Variants in PLCL2 observed in about 807,000 individuals in gnomAD.
PLCL2 encodes phospholipase C like 2.
Under a neutral mutation model 79.6 loss-of-function variants are expected in PLCL2, and 4 were observed. The observed-to-expected ratio is 0.05, with a 90% CI of 0.02 to 0.11. The LOEUF is 0.11. Ranked by LOEUF, PLCL2 falls within the 10% of genes least tolerant of loss-of-function variation. The pLI is 1.00. For synonymous variants in PLCL2, 484 were observed against 457.7 expected (o/e 1.06, Z -0.73); for missense variants, 895 against 1,291.0 (o/e 0.69, Z 4.70).
At chr3:16,991,411 G>A (rs1380097649) in intron 1 of PLCL2, among the ~76,000 whole-genome samples, 1 of 152,084 alleles carries the variant, frequency 6.6e-6, no homozygotes, top group Non-Finnish European at 1.5e-5. Context: ...AGAATTATTA[G>A]GATTCTGATC....
At chr3:16,923,267 TGGG>T (rs1185167969) in intron 1 of PLCL2, among the ~76,000 whole-genome samples, 1 of 151,716 alleles carries the variant, frequency 6.6e-6, no homozygotes. Flanking sequence ...AGAGTGGAGG[TGGG>T]GGCAGGCAGC....
chr3:16,983,207 C>G (rs957769002), intron 1 of PLCL2, among the ~76,000 whole-genome samples: 2 of 150,642 alleles, frequency 1.3e-5, no homozygotes, highest in Non-Finnish European at 3.0e-5. Flanking sequence ...TAGGGTTAGA[C>G]TTGTCATGAT....
chr3:16,941,304 T>C (rs2124950579), intron 1 of PLCL2, among the ~76,000 whole-genome samples: 1 of 152,346 alleles, frequency 6.6e-6, no homozygotes, highest in Non-Finnish European at 1.5e-5. Context: ...CATTAGCCTC[T>C]TGACCATTCT....
chr3:16,995,786 A>C (rs2064147614), intron 1 of PLCL2, among the ~76,000 whole-genome samples: 1 of 152,136 alleles, frequency 6.6e-6, no homozygotes, highest in African/African-American at 2.4e-5. Flanking sequence ...TCCGTGGAGG[A>C]TTCAATAAGC....
intron 1 of PLCL2, among the ~76,000 whole-genome samples, chr3:16,929,184 T>G (rs9310513): frequency 1 from 151,821 of 151,822 alleles, 75,910 homozygotes; most frequent in Non-Finnish European, 1. Flanking sequence ...AAACCAAGGA[T>G]CGTGGGAGAG....
chr3:16,973,548 T>C (rs1450713440), intron 1 of PLCL2, among the ~76,000 whole-genome samples: 1 of 152,188 alleles, frequency 6.6e-6, no homozygotes, highest in Non-Finnish European at 1.5e-5. Flanking sequence ...AAAATTATGC[T>C]TTAAGATAGT....
intron 1 of PLCL2, among the ~76,000 whole-genome samples, chr3:16,970,523 C>T (rs375551476): frequency 1.4e-5 from 2 of 147,444 alleles, no homozygotes; most frequent in East Asian, 3.9e-4. Context: ...AATAAACATA[C>T]GTGTGCATGT....
chr3:17,043,123 C>T (rs893540899), intron 4 of PLCL2, among the ~76,000 whole-genome samples, 174 bp downstream of exon 4: 1 of 152,116 alleles, frequency 6.6e-6, no homozygotes, highest in Non-Finnish European at 1.5e-5. Flanking sequence ...AACAAACTCA[C>T]CTGAGGGGAC....
intron 4 of PLCL2, among the ~76,000 whole-genome samples, chr3:17,065,946 A>T (rs1252593721): frequency 6.6e-6 from 1 of 152,238 alleles, no homozygotes; most frequent in Non-Finnish European, 1.5e-5. Context: ...CCTGACTGCC[A>T]GAAACATAAT....
intron 5 of PLCL2, among the ~76,000 whole-genome samples, chr3:17,087,442 T>A (rs1476962665): frequency 6.6e-6 from 1 of 152,122 alleles, no homozygotes; most frequent in Non-Finnish European, 1.5e-5. Context: ...CTAGACGACA[T>A]TGTTGAAAAG....
At chr3:17,050,385 C>T (rs758867932) in intron 4 of PLCL2, among the ~76,000 whole-genome samples, 26 of 152,036 alleles carry the variant, frequency 1.7e-4, no homozygotes, top group Non-Finnish European at 3.7e-4. Context: ...GGAGAAATAA[C>T]ACACTGAATG....
intron 1 of PLCL2, among the ~76,000 whole-genome samples, chr3:16,952,703 T>C (rs551901526): frequency 6.6e-6 from 1 of 152,150 alleles, no homozygotes; most frequent in Non-Finnish European, 1.5e-5. Context: ...AGGTTATTTT[T>C]GAATTATTTC....
At chr3:17,045,897 G>A (rs2064775383) in intron 4 of PLCL2, among the ~76,000 whole-genome samples, 1 of 152,130 alleles carries the variant, frequency 6.6e-6, no homozygotes, top group African/African-American at 2.4e-5. Context: ...CCATTGACGA[G>A]GTAAACAGGG....
chr3:16,991,271 C>G (rs559335456), intron 1 of PLCL2, among the ~76,000 whole-genome samples: 2 of 152,188 alleles, frequency 1.3e-5, no homozygotes, highest in Admixed American at 1.3e-4. Context: ...ATAGGTCCTG[C>G]TTCACAGAGT....
chr3:16,989,827 A>G (rs925405775), intron 1 of PLCL2, among the ~76,000 whole-genome samples: 3 of 152,250 alleles, frequency 2.0e-5, no homozygotes, highest in Non-Finnish European at 2.9e-5. Context: ...GCCCATTATT[A>G]TGTAAATATG....
chr3:16,903,377 G>A (rs1418147627), intron 1 of PLCL2, among the ~76,000 whole-genome samples: 1 of 152,178 alleles, frequency 6.6e-6, no homozygotes, highest in Non-Finnish European at 1.5e-5. Flanking sequence ...AAGTTGCTAT[G>A]GGGGTGACTT....
intron 1 of PLCL2, among the ~76,000 whole-genome samples, chr3:16,993,951 GA>G (rs1487954496): frequency 1.3e-5 from 2 of 152,136 alleles, no homozygotes; most frequent in African/African-American, 4.8e-5. Flanking sequence ...GCTGTATTTA[GA>G]ATGAATTTGG....
intron 5 of PLCL2, among the ~76,000 whole-genome samples, chr3:17,078,891 A>G (rs142167142): frequency 0.032 from 4,838 of 152,212 alleles, 119 homozygotes; most frequent in South Asian, 0.062. Context: ...GCTATAATTG[A>G]CTGAAAGCCA....
chr3:17,037,198 C>G (rs1559527675), intron 3 of PLCL2, among the ~76,000 whole-genome samples: 1 of 152,156 alleles, frequency 6.6e-6, no homozygotes, highest in Non-Finnish European at 1.5e-5. Context: ...CTGCTTTGGT[C>G]CAGTCCTCCC....
Sources: allele counts gnomAD v4.1 joint callset (sites outside exome capture counted in the v4.1 genomes callset), GRCh38; gene constraint gnomAD v4.1.1; transcripts MANE v1.5; gene names NCBI Gene and HGNC (gene_info 2026-07-23, HGNC 2026-07-21).